Variants in PDE4D observed in about 807,000 individuals in gnomAD.
The protein encoded by PDE4D is phosphodiesterase 4D, also known as 3',5'-cyclic-AMP phosphodiesterase 4D.
In PDE4D, 24 loss-of-function variants were observed where a neutral mutation model predicts 87.4. The observed-to-expected ratio is 0.27, with a 90% CI of 0.20 to 0.39. The LOEUF (loss-of-function observed/expected upper bound fraction) is 0.39. Ranked by LOEUF, PDE4D falls within the 10% of genes least tolerant of loss-of-function variation. The pLI is 1.00. For synonymous variants in PDE4D, 384 were observed against 383.2 expected (o/e 1.00, Z -0.02); for missense variants, 714 against 1,041.0 (o/e 0.69, Z 4.32).
chr5:59,635,520 G>A (rs919812867), intron 1 of PDE4D, among the ~76,000 whole-genome samples: 33 of 152,136 alleles, frequency 2.2e-4, no homozygotes, highest in African/African-American at 6.7e-4. Context: ...ATCCAGCAAC[G>A]CATTAAAAAG....
At chr5:59,643,060 T>C (rs169868) in intron 1 of PDE4D, among the ~76,000 whole-genome samples, 52,277 of 152,102 alleles carry the variant, frequency 0.34, 10,322 homozygotes, top group East Asian at 0.74. Context: ...CATGAAAGAA[T>C]GGAAAAACTG....
chr5:60,101,397 C>A (rs1376688584), intron 2 of PDE4D, among the ~76,000 whole-genome samples: 1 of 152,034 alleles, frequency 6.6e-6, no homozygotes, highest in Non-Finnish European at 1.5e-5. Flanking sequence ...TCTCAGGGCA[C>A]AACATCTTAT....
chr5:59,521,408 A>C (rs977192413), intron 1 of PDE4D, among the ~76,000 whole-genome samples: 1 of 152,196 alleles, frequency 6.6e-6, no homozygotes, highest in African/African-American at 2.4e-5. Flanking sequence ...CTTGTATGGA[A>C]GGGAGACAAA....
intron 1 of PDE4D, among the ~76,000 whole-genome samples, chr5:60,440,491 T>A (rs181207428): frequency 6.6e-6 from 1 of 151,936 alleles, no homozygotes; most frequent in Non-Finnish European, 1.5e-5. Context: ...ACATAAACAA[T>A]CCTGGTATGA....
chr5:59,051,324 C>T (rs1761519460), intron 5 of PDE4D, among the ~76,000 whole-genome samples: 1 of 152,202 alleles, frequency 6.6e-6, no homozygotes, highest in South Asian at 2.1e-4. Flanking sequence ...GGTGCCACTG[C>T]ACTCCAGCCT....
intron 2 of PDE4D, among the ~76,000 whole-genome samples, chr5:60,089,508 T>C (rs941212061): frequency 4.0e-5 from 6 of 151,684 alleles, no homozygotes; most frequent in African/African-American, 1.5e-4. Flanking sequence ...AAAATGGAAA[T>C]ACAGCATACA....
At chr5:59,474,423 T>G (rs1802962877) in intron 1 of PDE4D, among the ~76,000 whole-genome samples, 1 of 152,098 alleles carries the variant, frequency 6.6e-6, no homozygotes, top group Admixed American at 6.6e-5. Context: ...TAGCTTTCCT[T>G]TTTCTGGTCA....
intron 2 of PDE4D, among the ~76,000 whole-genome samples, chr5:60,153,593 G>A (rs546477073): frequency 3.3e-5 from 5 of 152,114 alleles, no homozygotes; most frequent in African/African-American, 1.2e-4. Context: ...AGCATTATTC[G>A]CAATAGCCAA....
intron 1 of PDE4D, among the ~76,000 whole-genome samples, chr5:59,346,266 T>A (rs1779587968): frequency 6.6e-6 from 1 of 152,154 alleles, no homozygotes; most frequent in Non-Finnish European, 1.5e-5. Context: ...TAGATGTTGG[T>A]TATATGAGTA....
At chr5:59,715,471 C>T (rs983731803) in intron 1 of PDE4D, among the ~76,000 whole-genome samples, 1 of 152,194 alleles carries the variant, frequency 6.6e-6, no homozygotes, top group Non-Finnish European at 1.5e-5. Context: ...CACAGTCCAG[C>T]CTAGTACTGA....
At position 59,464,702 on chromosome 5, in the gene PDE4D, G is replaced by A. The variant is rs577759992; in HGVS notation, c.456-248734C>T. On this transcript the variant is annotated intron_variant, in intron 1 of 14. Coordinates refer to ENST00000340635, the MANE Select transcript of PDE4D (RefSeq NM_001104631.2). Reference sequence around the variant, plus strand: ...TGTCTTTTTCTTTTCCAAGTCTCTCGTTCCACCTAATGAGAAACACCCACA... The same window carrying A: ...TGTCTTTTTCTTTTCCAAGTCTCTCATTCCACCTAATGAGAAACACCCACA... Among the ~76,000 whole-genome samples, 14 of 151,826 alleles carry A rather than the reference G, an allele frequency of 9.2e-5. No homozygotes were observed. The East Asian group carries it at 1.2e-3, about 13-fold the overall frequency.
At chr5:60,172,119 T>TATATATATATATATATA (rs1783505578) in intron 2 of PDE4D, among the ~76,000 whole-genome samples, 1 of 146,984 alleles carries the variant, frequency 6.8e-6, no homozygotes, top group Admixed American at 6.8e-5. Context: ...TATATTATAT[T>TATATATATATATATATA]ATATATATAA....
At chr5:60,253,676 T>C (rs530162722) in intron 1 of PDE4D, among the ~76,000 whole-genome samples, 1 of 152,076 alleles carries the variant, frequency 6.6e-6, no homozygotes, top group South Asian at 2.1e-4. Flanking sequence ...CACAGCCAAC[T>C]TAATTAATAT....
At chr5:60,228,670 G>A (rs922309433) in intron 1 of PDE4D, among the ~76,000 whole-genome samples, 3 of 151,740 alleles carry the variant, frequency 2.0e-5, no homozygotes, top group East Asian at 3.9e-4. Flanking sequence ...TTTTATTTTT[G>A]TATTTTTGGG....
rs115334785 is a variant in PDE4D, at chr5:60,059,367, C to T, written c.43-70650G>A. On this transcript the variant is annotated intron_variant, in intron 2 of 16. Transcript: ENST00000502484. ...ATCTTGTGTGAACTACCTAGAATAG[C>T]ATATATTTCCCTGATGAATCTGGTC... Among the ~76,000 whole-genome samples the T allele has an allele frequency of 4.1e-3, 629 of 152,040 alleles. 6 individuals carry two copies. Among genetic ancestry groups the T allele is most frequent in the African/African-American group, 0.014 (596 of 41,502 alleles).
intron 1 of PDE4D, among the ~76,000 whole-genome samples, chr5:60,381,350 G>A (rs971938116): frequency 1.3e-5 from 2 of 152,116 alleles, no homozygotes; most frequent in Non-Finnish European, 2.9e-5. Flanking sequence ...AATTCTACTG[G>A]AAAAAAACTT....
At chr5:60,006,185 G>T (rs989954158) in intron 2 of PDE4D, among the ~76,000 whole-genome samples, 1 of 151,892 alleles carries the variant, frequency 6.6e-6, no homozygotes, top group Non-Finnish European at 1.5e-5. Context: ...AGAACTAGTT[G>T]TATATCGAGA....
intron 1 of PDE4D, among the ~76,000 whole-genome samples, chr5:60,454,006 CT>C (rs1746281356): frequency 6.6e-6 from 1 of 152,128 alleles, no homozygotes; most frequent in Non-Finnish European, 1.5e-5. Context: ...AAGGACTGGA[CT>C]GATAAATCAG....
chr5:59,574,821 T>C (rs1822861804), intron 1 of PDE4D, among the ~76,000 whole-genome samples: 1 of 152,156 alleles, frequency 6.6e-6, no homozygotes, highest in Non-Finnish European at 1.5e-5. Context: ...CTATGGCTTT[T>C]TAAAACATTG....
Sources: gnomAD v4.1 joint callset for allele counts (sites outside exome capture counted in the v4.1 genomes callset) on GRCh38, gnomAD v4.1.1 for gene constraint, MANE v1.5 for transcripts, NCBI Gene and HGNC (gene_info 2026-07-23, HGNC 2026-07-21) for gene names.